The following FAM168A variants were observed in gnomAD, a reference collection of about 807,000 sequenced individuals.
The protein encoded by FAM168A is family with sequence similarity 168 member A.
FAM168A carries 3 observed loss-of-function variants against 28.5 expected under a neutral mutation model. That is an observed-to-expected ratio of 0.11 (90% CI 0.05 to 0.27). FAM168A has a LOEUF of 0.27. FAM168A is among the 10% of genes least tolerant of loss of function. The pLI is 1.00. For missense variants in FAM168A, 222 were observed against 311.5 expected (o/e 0.71, Z 2.16); for synonymous variants, 122 against 124.2 (o/e 0.98, Z 0.12).
chr11:73,417,785 T>C (rs1866722062), intron 4 of FAM168A, among the ~76,000 whole-genome samples: 1 of 152,142 alleles, frequency 6.6e-6, no homozygotes, highest in Admixed American at 6.6e-5. Context: ...GGTCTCGATC[T>C]TCTGACCTTG....
intron 2 of FAM168A, among the ~76,000 whole-genome samples, chr11:73,462,538 A>G (rs1036661108): frequency 1.3e-5 from 2 of 152,204 alleles, no homozygotes; most frequent in African/African-American, 4.8e-5. Flanking sequence ...GACAGTTGCA[A>G]AACAATATGA....
chr11:73,424,927 T>C lies in FAM168A; in HGVS notation c.152-4928A>G, dbSNP rs575324249. On this transcript the variant is annotated intron_variant, in intron 3 of 7. Coordinates refer to ENST00000356467, the MANE Select transcript of FAM168A (RefSeq NM_015159.3). Reference sequence around the variant, plus strand: ...CTGGGGGGAGCCCAAGCCTAGGGGATGGGATTTGGGGAGGAGAGGAGAGGG... The same window carrying C: ...CTGGGGGGAGCCCAAGCCTAGGGGACGGGATTTGGGGAGGAGAGGAGAGGG... 250 of 1,036,638 alleles carry C rather than the reference T, an allele frequency of 2.4e-4. 4 individuals are homozygous for C. In the South Asian group the frequency reaches 4.0e-3, roughly 17 times the overall value. 64.2% of individuals were successfully genotyped at this position (1,036,638 alleles called of 1,614,324 possible).
chr11:73,590,908 C>T (rs1321587691), intron 1 of FAM168A, among the ~76,000 whole-genome samples: 1 of 152,034 alleles, frequency 6.6e-6, no homozygotes, highest in African/African-American at 2.4e-5. Context: ...TTTGGGAGGC[C>T]GAGGCAGGCA....
At chr11:73,443,540 T>C (rs940084869) in intron 2 of FAM168A, among the ~76,000 whole-genome samples, 1 of 152,176 alleles carries the variant, frequency 6.6e-6, no homozygotes, top group Non-Finnish European at 1.5e-5. Flanking sequence ...TTGCTGCAAC[T>C]CCAAGTTAGT....
intron 1 of FAM168A, among the ~76,000 whole-genome samples, chr11:73,587,539 T>C (rs189884554): frequency 6.6e-6 from 1 of 151,902 alleles, no homozygotes; most frequent in East Asian, 1.9e-4. Flanking sequence ...AACTATTAAT[T>C]TTACCCAGGC....
intron 1 of FAM168A, among the ~76,000 whole-genome samples, chr11:73,477,622 T>A (rs1330606166): frequency 1.3e-5 from 2 of 151,992 alleles, no homozygotes; most frequent in South Asian, 4.1e-4. Context: ...TAAAAGGGAA[T>A]AACAATAAGA....
chr11:73,581,437 G>A (rs1022426238), intron 1 of FAM168A, among the ~76,000 whole-genome samples: 2 of 152,146 alleles, frequency 1.3e-5, no homozygotes, highest in African/African-American at 4.8e-5. Flanking sequence ...AATTTCAAAG[G>A]TGGATATAGA....
chr11:73,418,987 T>G (rs2134494223), intron 4 of FAM168A, among the ~76,000 whole-genome samples: 1 of 152,198 alleles, frequency 6.6e-6, no homozygotes, highest in African/African-American at 2.4e-5. Flanking sequence ...TTTTTTTGTA[T>G]TTTTAGTGGA....
intron 1 of FAM168A, among the ~76,000 whole-genome samples, chr11:73,476,264 T>A (rs1453825815): frequency 2.0e-5 from 3 of 152,082 alleles, no homozygotes; most frequent in African/African-American, 4.8e-5. Context: ...TGATCAAACA[T>A]TGGATGGCCA....
chr11:73,436,289 C>A (rs1162545803), intron 2 of FAM168A, among the ~76,000 whole-genome samples: 2 of 152,142 alleles, frequency 1.3e-5, no homozygotes, highest in African/African-American at 4.8e-5. Context: ...TTACTTTCAA[C>A]AGAAATCAGG....
chr11:73,496,872 A>T (rs1565270963), intron 1 of FAM168A, among the ~76,000 whole-genome samples: 1 of 117,462 alleles, frequency 8.5e-6, no homozygotes, highest in East Asian at 2.1e-4. Context: ...GTATGTTCTT[A>T]TCACACACAC....
rs1243945183 is a variant in FAM168A, at chr11:73,403,382, G to A, written c.*3381C>T. 1 of 152,134 alleles carries A rather than the reference G, an allele frequency of 6.6e-6. No individual in the cohort carries two copies. Among genetic ancestry groups the A allele is most frequent in the Non-Finnish European group, 1.5e-5 (1 of 68,032 alleles). 9.4% of individuals were successfully genotyped at this position (152,134 alleles called of 1,614,324 possible). The stretch of plus-strand genomic sequence containing the variant: ...AGAAGTAGAAGAATTCAAAAGGGTT[G>A]GCTGGTAACGAGCCATCTGTACCCC... On this transcript the variant is annotated 3_prime_UTR_variant, in exon 8 of 8. Coordinates refer to ENST00000356467, the MANE Select transcript of FAM168A (RefSeq NM_015159.3).
chr11:73,574,062 A>G (rs900896653), intron 1 of FAM168A, among the ~76,000 whole-genome samples: 3 of 151,506 alleles, frequency 2.0e-5, no homozygotes, highest in African/African-American at 7.3e-5. Context: ...GGTGGAGGCA[A>G]CAGTGAGCCA....
At chr11:73,509,140 T>A (rs939129253) in intron 1 of FAM168A, among the ~76,000 whole-genome samples, 2 of 152,160 alleles carry the variant, frequency 1.3e-5, no homozygotes, top group Admixed American at 1.3e-4. Flanking sequence ...AATACACCAG[T>A]ACAGCATCAT....
chr11:73,408,622 A>C (rs1254569150), intron 6 of FAM168A, among the ~76,000 whole-genome samples: 1 of 152,056 alleles, frequency 6.6e-6, no homozygotes, highest in African/African-American at 2.4e-5. Context: ...CCACAAAAAA[A>C]CACAAAAATT....
At chr11:73,429,468 A>G (rs912708795) in intron 3 of FAM168A, among the ~76,000 whole-genome samples, 22 of 152,194 alleles carry the variant, frequency 1.4e-4, no homozygotes, top group Admixed American at 1.2e-3. Flanking sequence ...AGGCCTCTCC[A>G]AGTCAGCCCT....
At chr11:73,431,533 G>A (rs930228049) in intron 2 of FAM168A, among the ~76,000 whole-genome samples, 5 of 152,120 alleles carry the variant, frequency 3.3e-5, no homozygotes, top group African/African-American at 7.2e-5. Flanking sequence ...TGGTGTGCTG[G>A]TAAATATTTA....
intron 1 of FAM168A, among the ~76,000 whole-genome samples, chr11:73,500,032 G>A (rs748344460): frequency 2.0e-5 from 3 of 152,020 alleles, no homozygotes; most frequent in Non-Finnish European, 4.4e-5. Flanking sequence ...ACACCATTAA[G>A]ATATTCCACA....
At position 73,468,505 on chromosome 11, in the gene FAM168A, C is replaced by T; in HGVS notation, c.-18-13G>A. ...AAGACTGAGGATCCTACAGAGAAAA[C>T]AAAGAAAACAGCACTGATATTGATT... is the stretch of plus-strand genomic sequence containing the variant. On this transcript the variant is annotated splice_polypyrimidine_tract_variant and intron_variant, in intron 1 of 7. Coordinates refer to ENST00000356467, the MANE Select transcript of FAM168A (RefSeq NM_015159.3). 6.3e-7 allele frequency: 1 copy of T among 1,588,972 alleles called. No homozygotes were observed. Among genetic ancestry groups the T allele is most frequent in the Non-Finnish European group, 8.6e-7 (1 of 1,157,886 alleles).
Sources: gnomAD v4.1 joint callset for allele counts (sites outside exome capture counted in the v4.1 genomes callset) on GRCh38, gnomAD v4.1.1 for gene constraint, MANE v1.5 for transcripts, NCBI Gene and HGNC (gene_info 2026-07-23, HGNC 2026-07-21) for gene names.